Variants in CNTNAP2 observed in about 807,000 individuals in gnomAD.
CNTNAP2 encodes contactin-associated protein-like 2.
A neutral mutation model predicts 155.2 loss-of-function variants in CNTNAP2; 98 were observed. The observed-to-expected ratio is 0.63, with a 90% CI of 0.54 to 0.75. The LOEUF is 0.75. Among genes scored for constraint, CNTNAP2 ranks in the 30% least tolerant of loss-of-function variants. The pLI is 0.00. For missense variants in CNTNAP2, 1,727 were observed against 1,688.1 expected (o/e 1.02, Z -0.40); for synonymous variants, 651 against 631.2 (o/e 1.03, Z -0.47).
chr7:147,976,387 T>C (rs1197231776), intron 14 of CNTNAP2, among the ~76,000 whole-genome samples: 2 of 152,224 alleles, frequency 1.3e-5, no homozygotes, highest in African/African-American at 2.4e-5. Context: ...TTTGGCATGA[T>C]TGTAATTCAT....
chr7:146,245,895 G>A (rs1162125743), intron 1 of CNTNAP2, among the ~76,000 whole-genome samples: 7 of 129,698 alleles, frequency 5.4e-5, no homozygotes, highest in African/African-American at 1.4e-4. Flanking sequence ...AATGGATTGT[G>A]GAGGGAGGTA....
intron 13 of CNTNAP2, among the ~76,000 whole-genome samples, chr7:147,808,707 T>TAC (rs1798132020): frequency 6.6e-6 from 1 of 152,242 alleles, no homozygotes; most frequent in African/African-American, 2.4e-5. Flanking sequence ...AGTATTCTAA[T>TAC]GTGAAATTCC....
chr7:146,523,970 T>C (rs801963), intron 1 of CNTNAP2, among the ~76,000 whole-genome samples: 4,321 of 152,198 alleles, frequency 0.028, 200 homozygotes, highest in African/African-American at 0.098. Context: ...AAAACTCTAA[T>C]CTGAAAAGTC....
At chr7:147,497,268 C>T (rs1798725964) in intron 11 of CNTNAP2, 2 of 152,156 alleles carry the variant, frequency 1.3e-5, no homozygotes, top group African/African-American at 4.8e-5. Context: ...AGTTTCATCC[C>T]AAAGCTGCCA....
intron 16 of CNTNAP2, among the ~76,000 whole-genome samples, chr7:148,132,767 G>A (rs1255694939): frequency 6.6e-6 from 1 of 152,206 alleles, no homozygotes. Context: ...TTTGTTGGGA[G>A]CCTCATTTTG....
At chr7:147,530,048 A>C (rs141016622) in intron 11 of CNTNAP2, among the ~76,000 whole-genome samples, 5 of 152,332 alleles carry the variant, frequency 3.3e-5, no homozygotes, top group Non-Finnish European at 7.3e-5. Context: ...GGCAATGACA[A>C]AAATAACATC....
At chr7:147,504,779 G>T (rs977393276) in intron 11 of CNTNAP2, among the ~76,000 whole-genome samples, 1 of 149,330 alleles carries the variant, frequency 6.7e-6, no homozygotes. Context: ...AAATTATATC[G>T]AGATTGTATT....
intron 15 of CNTNAP2, among the ~76,000 whole-genome samples, chr7:148,107,348 C>T (rs754309748): frequency 5.3e-5 from 8 of 152,130 alleles, no homozygotes; most frequent in African/African-American, 1.2e-4. Context: ...CCAAAGGACC[C>T]GAATCACAGA....
In CNTNAP2 at chr7:147,315,478, C is replaced by CTTTTTT. The variant is rs3050776; in HGVS notation, c.1498+15204_1498+15209dup. 3.8e-5 allele frequency among the ~76,000 whole-genome samples: 4 copies of CTTTTTT among 103,918 alleles called. No homozygotes were observed. In the East Asian group the frequency reaches 8.8e-4, roughly 23 times the overall value. The allele number at this position is 103,918 out of a possible 152,430, so 68.2% of individuals were successfully genotyped here. ...TCTCTATGGATTTGTTTATTCTGGA[C>CTTTTTT]TTTTTTTTTTTTTTTTTTTTTGAGA... On this transcript the variant is annotated intron_variant, in intron 9 of 23. Transcript: ENST00000361727.
chr7:146,161,217 A>T (rs772452932), intron 1 of CNTNAP2, among the ~76,000 whole-genome samples: 19 of 152,212 alleles, frequency 1.2e-4, no homozygotes, highest in Non-Finnish European at 2.2e-4. Flanking sequence ...AATAAGAGCT[A>T]TGTATGACAA....
intron 21 of CNTNAP2, among the ~76,000 whole-genome samples, chr7:148,320,573 G>A (rs1031561337): frequency 2.6e-5 from 4 of 151,580 alleles, no homozygotes; most frequent in Non-Finnish European, 5.9e-5. Flanking sequence ...TAGTAGAGAT[G>A]GGGTTTCATC....
chr7:147,257,572 T>C (rs1199108464), intron 8 of CNTNAP2, among the ~76,000 whole-genome samples: 1 of 152,220 alleles, frequency 6.6e-6, no homozygotes, highest in African/African-American at 2.4e-5. Flanking sequence ...ACTTACCACA[T>C]GTATGGAACT....
chr7:146,765,327 G>A (rs1802175920), intron 1 of CNTNAP2, among the ~76,000 whole-genome samples: 1 of 152,182 alleles, frequency 6.6e-6, no homozygotes. Flanking sequence ...ATACAGTGAA[G>A]TAGATCTATG....
chr7:148,302,120 C>T (rs1276300538), intron 21 of CNTNAP2, among the ~76,000 whole-genome samples: 2 of 152,190 alleles, frequency 1.3e-5, no homozygotes, highest in South Asian at 4.1e-4. Context: ...CCAGCAGTGA[C>T]AGGCCCCGAA....
chr7:146,539,778 G>A (rs1023993648), intron 1 of CNTNAP2, among the ~76,000 whole-genome samples: 9 of 151,988 alleles, frequency 5.9e-5, no homozygotes, highest in Non-Finnish European at 1.2e-4. Context: ...TATTATAGAC[G>A]TGTTCTCTTT....
chr7:146,446,573 G>T (rs1228026558), intron 1 of CNTNAP2, among the ~76,000 whole-genome samples: 1 of 152,066 alleles, frequency 6.6e-6, no homozygotes, highest in Non-Finnish European at 1.5e-5. Context: ...AAAAAGACCA[G>T]TTGGTTCTAG....
chr7:146,640,050 G>T (rs1799679132), intron 1 of CNTNAP2, among the ~76,000 whole-genome samples: 1 of 152,216 alleles, frequency 6.6e-6, no homozygotes, highest in Admixed American at 6.5e-5. Flanking sequence ...ACGGCAGGGT[G>T]CCTGCCTGTG....
At chr7:146,744,569 C>T (rs1801778274) in intron 1 of CNTNAP2, among the ~76,000 whole-genome samples, 1 of 152,168 alleles carries the variant, frequency 6.6e-6, no homozygotes, top group Non-Finnish European at 1.5e-5. Context: ...CTCTCAATGT[C>T]TGCATTGCTT....
intron 9 of CNTNAP2, among the ~76,000 whole-genome samples, chr7:147,305,044 C>A (rs1795003187): frequency 6.6e-6 from 1 of 152,100 alleles, no homozygotes; most frequent in South Asian, 2.1e-4. Flanking sequence ...ATCATAGGGG[C>A]TCCACCCTCA....
Sources: gnomAD v4.1 joint callset for allele counts (sites outside exome capture counted in the v4.1 genomes callset) on GRCh38, gnomAD v4.1.1 for gene constraint, MANE v1.5 for transcripts, NCBI Gene and HGNC (gene_info 2026-07-23, HGNC 2026-07-21) for gene names.